Variants in VASH2 observed in about 807,000 individuals in gnomAD.
VASH2 encodes tubulinyl-Tyr carboxypeptidase 2.
VASH2 carries 28 observed loss-of-function variants against 37.2 expected under a neutral mutation model. The observed-to-expected ratio is 0.75, with a 90% confidence interval of 0.56 to 1.03. VASH2 has a LOEUF of 1.03. Among genes scored for constraint, VASH2 ranks in the 50% least tolerant of loss-of-function variants. VASH2 has a pLI of 0.00. For missense variants in VASH2, 419 were observed against 459.1 expected (o/e 0.91, Z 0.80); for synonymous variants, 188 against 174.7 (o/e 1.08, Z -0.60).
intron 5 of VASH2, chr1:212,967,525 T>C (rs1297813374): frequency 2.0e-6 from 2 of 1,022,418 alleles, no homozygotes; most frequent in Admixed American, 8.2e-5. Flanking sequence ...TGCTGAGAAA[T>C]GACTTTTTTC....
At chr1:212,973,838 G>A (rs1166404415) in intron 6 of VASH2, 117 bp from the exon 7 acceptor site, 80 of 1,450,018 alleles carry the variant, frequency 5.5e-5, no homozygotes, top group South Asian at 1.0e-4. Flanking sequence ...CCTGCTCAAT[G>A]CCTTCTAAAC....
At chr1:212,958,553 C>G (rs965397538) in intron 2 of VASH2, among the ~76,000 whole-genome samples, 3 of 152,210 alleles carry the variant, frequency 2.0e-5, no homozygotes, top group Non-Finnish European at 4.4e-5. Context: ...GTCAGTCCTT[C>G]AGCAGACTCT....
At chr1:212,981,288 T>C (rs1252364891) in intron 7 of VASH2, among the ~76,000 whole-genome samples, 2 of 152,212 alleles carry the variant, frequency 1.3e-5, no homozygotes, top group Non-Finnish European at 2.9e-5. Context: ...CTGTCTGCCC[T>C]GGCAGCTGCC....
intron 7 of VASH2, among the ~76,000 whole-genome samples, chr1:212,984,870 T>C (rs1471524037): frequency 6.6e-6 from 1 of 152,152 alleles, no homozygotes; most frequent in Non-Finnish European, 1.5e-5. Flanking sequence ...CTGACTTCAT[T>C]TGGACTATGG....
At chr1:212,961,120 A>C in intron 2 of VASH2, 46 bp from the exon 3 acceptor site, 1 of 1,595,512 alleles carries the variant, frequency 6.3e-7, no homozygotes, top group African/African-American at 1.3e-5. Flanking sequence ...GCTGGGCCCC[A>C]GAGCGCCTCC....
chr1:212,983,131 G>A (rs1266192493), intron 7 of VASH2, among the ~76,000 whole-genome samples: 1 of 152,194 alleles, frequency 6.6e-6, no homozygotes, highest in Non-Finnish European at 1.5e-5. Context: ...GTATTCCACA[G>A]TGGGATTCAT....
intron 2 of VASH2, among the ~76,000 whole-genome samples, chr1:212,954,886 T>C (rs929906051): frequency 6.6e-6 from 1 of 152,234 alleles, no homozygotes; most frequent in Non-Finnish European, 1.5e-5. Context: ...TGCATCTTAA[T>C]GGTTGGTTCT....
Position 212,966,296 on chromosome 1 carries a change from A to G in VASH2, c.448A>G (p.Thr150Ala). 1 of 1,551,616 alleles carries G rather than the reference A, an allele frequency of 6.4e-7. No homozygotes were observed. The highest frequency in any genetic ancestry group is 1.7e-4 in the Middle Eastern group (1 of 5,992). ...SGLMETAKEM[T>A]RESLPIKCLE... is the part of the protein sequence containing the mutation. Reference sequence around the variant, plus strand: ...GTTAATGGAAACAGCAAAAGAAATGACCCGAGAGTCCTTGCCTATCAAATG... The same window carrying G: ...GTTAATGGAAACAGCAAAAGAAATGGCCCGAGAGTCCTTGCCTATCAAATG... Residue 150 changes from threonine (T) to alanine (A), a missense_variant, in exon 5 of 8, where the codon ACC (threonine) becomes GCC (alanine). Around this residue, in one of 3 missense-constraint regions of VASH2, gnomAD observed 84 missense variants for 129.9 expected, o/e 0.65. Transcript: ENST00000517399.
Position 212,971,129 on chromosome 1 carries a change from C to T in VASH2, c.498-1451C>T, listed in dbSNP as rs1197381011. ...CTCATTCTGCACATTGCAGAATTTC[C>T]CTCCCTTATGAGGCTGAATAAATTC... On this transcript the variant is annotated intron_variant, in intron 5 of 7. Transcript: ENST00000517399. This position sits in a 1 kb window ranked among gnomAD's most constrained non-coding sequence, Gnocchi z 4.0. Among the ~76,000 whole-genome samples the T allele has an allele frequency of 1.3e-5, 2 of 152,098 alleles. No homozygotes were observed. The highest frequency in any genetic ancestry group is 2.4e-5 in the African/African-American group (1 of 41,418).
chr1:212,969,200 T>C (rs1369128701), intron 5 of VASH2: 3 of 983,312 alleles, frequency 3.1e-6, no homozygotes, highest in Non-Finnish European at 3.6e-6. Flanking sequence ...TCTTCTTTTT[T>C]TTTTTTTTTT....
At position 212,951,029 on chromosome 1, in the gene VASH2, G is replaced by A. The variant is rs1473606213; in HGVS notation, c.-205+289G>A. Among the ~76,000 whole-genome samples the A allele has an allele frequency of 6.6e-6, 1 of 152,224 alleles. No individual in the cohort carries two copies. Among genetic ancestry groups the A allele is most frequent in the Non-Finnish European group, 1.5e-5 (1 of 68,036 alleles). ...CCCAGGAATGTGTGGAGCCTTGCGG[G>A]AACCTCCTGTTCCTTCATGCTACAC... is the stretch of plus-strand genomic sequence containing the variant. On this transcript the variant is annotated intron_variant, in intron 1 of 7. Coordinates refer to ENST00000517399, the MANE Select transcript of VASH2 (RefSeq NM_001301056.2). The surrounding 1 kb of genome is among the most constrained non-coding windows in gnomAD (Gnocchi z 4.4).
intron 6 of VASH2, chr1:212,973,683 T>C (rs562385560): frequency 1.7e-4 from 219 of 1,262,756 alleles, no homozygotes; most frequent in Non-Finnish European, 1.9e-4. Context: ...GACTGAGGCA[T>C]TGGGCTGTGT....
Position 212,974,051 on chromosome 1 carries a change from C to T in VASH2, c.976C>T (p.Leu326Phe), listed in dbSNP as rs549406503. 8 of 1,613,278 alleles carry T rather than the reference C, an allele frequency of 5.0e-6. No homozygotes were observed. Among genetic ancestry groups the T allele is most frequent in the Non-Finnish European group, 6.8e-6 (8 of 1,179,510 alleles). Residue 326 changes from leucine (L) to phenylalanine (F), a missense_variant, in exon 7 of 8, where the codon CTC (leucine) becomes TTC (phenylalanine). Around this residue, in one of 3 missense-constraint regions of VASH2, gnomAD observed 177 missense variants for 166.2 expected, o/e 1.06. Transcript: ENST00000517399. ...GAGACAGGCAAGCCCCCCGAGGAGG[C>T]TCGGCCGGCGAGAGAAGTCGTGAGT... ...RRRQASPPRR[L>F]GRREKSPALP...
intron 5 of VASH2, 97 bp from the exon 6 acceptor site, chr1:212,972,483 A>T: frequency 1.4e-6 from 2 of 1,444,080 alleles, no homozygotes; most frequent in South Asian, 2.5e-5. Context: ...AGGCAGGGGG[A>T]TGGACTCACT....
chr1:212,988,749 A>G lies in VASH2; in HGVS notation c.*165A>G. 1 of 737,028 alleles carries G rather than the reference A, an allele frequency of 1.4e-6. No homozygotes were observed. Among genetic ancestry groups the G allele is most frequent in the Non-Finnish European group, 2.2e-6 (1 of 449,038 alleles). The allele number at this position is 737,028 out of a possible 1,614,324, so 45.7% of individuals were successfully genotyped here. A position where few individuals can be genotyped will look rare whatever the true frequency, so the allele number is the denominator to read the frequency against. On this transcript the variant is annotated 3_prime_UTR_variant, in exon 8 of 8. Coordinates refer to ENST00000517399, the MANE Select transcript of VASH2 (RefSeq NM_001301056.2). The stretch of plus-strand genomic sequence containing the variant: ...GTGGGTGGTAACCATTAGCTTTAAA[A>G]AATTCACTAAAAGGCACCATGAAAA...
chr1:212,959,531 G>T (rs1243696162), intron 2 of VASH2, among the ~76,000 whole-genome samples: 3 of 152,230 alleles, frequency 2.0e-5, no homozygotes, highest in African/African-American at 7.2e-5. Flanking sequence ...TGAGGAGGCA[G>T]TTGCTGTGAA....
intron 5 of VASH2, chr1:212,967,099 A>C: frequency 7.7e-7 from 1 of 1,304,440 alleles, no homozygotes; most frequent in Non-Finnish European, 1.0e-6. Flanking sequence ...GTGGTGGTGT[A>C]TCCTGACTTG....
At chr1:212,987,899 CTT>C (rs772789298) in intron 7 of VASH2, among the ~76,000 whole-genome samples, 101 of 152,326 alleles carry the variant, frequency 6.6e-4, no homozygotes, top group Non-Finnish European at 1.2e-3. Context: ...TCTCACATGA[CTT>C]TGCATAATTG....
At chr1:212,961,991 A>G (rs1352792826) in intron 3 of VASH2, among the ~76,000 whole-genome samples, 11 of 152,176 alleles carry the variant, frequency 7.2e-5, no homozygotes. Flanking sequence ...ATGATCTACA[A>G]GAGGCCCACC....
Sources: allele counts gnomAD v4.1 joint callset (sites outside exome capture counted in the v4.1 genomes callset), GRCh38; gene constraint gnomAD v4.1.1; regional missense constraint gnomAD v4.1.1; non-coding constraint Gnocchi (gnomAD v3.1); transcripts MANE v1.5; gene names NCBI Gene and HGNC (gene_info 2026-07-23, HGNC 2026-07-21).